The following KCNN2 variants were observed in gnomAD, a reference collection of about 807,000 sequenced individuals.
KCNN2 encodes small conductance calcium-activated potassium channel protein 2.
KCNN2 carries 24 observed loss-of-function variants against 55.5 expected under a neutral mutation model. That is an observed-to-expected ratio of 0.43 (90% CI 0.31 to 0.61). The LOEUF (loss-of-function observed/expected upper bound fraction) is 0.61. Among genes scored for constraint, KCNN2 ranks in the 20% least tolerant of loss-of-function variants. The pLI is 0.08. For synonymous variants in KCNN2, 431 were observed against 336.1 expected (o/e 1.28, Z -3.09); for missense variants, 754 against 853.6 (o/e 0.88, Z 1.45).
At chr5:114,164,896 A>G (rs1428985129) in intron 1 of KCNN2, among the ~76,000 whole-genome samples, 5 of 152,208 alleles carry the variant, frequency 3.3e-5, no homozygotes, top group Non-Finnish European at 7.3e-5. Flanking sequence ...GAGTGCTTAT[A>G]TGCCAAGTAC....
intron 2 of KCNN2, among the ~76,000 whole-genome samples, chr5:114,245,003 A>AAAAGCC: frequency 6.6e-6 from 1 of 152,368 alleles, no homozygotes; most frequent in East Asian, 1.9e-4. Flanking sequence ...TACTCAGCAT[A>AAAAGCC]AAAGCCAAGA....
At chr5:114,139,509 T>A (rs966479084) in intron 1 of KCNN2, among the ~76,000 whole-genome samples, 6 of 146,598 alleles carry the variant, frequency 4.1e-5, no homozygotes, top group African/African-American at 1.5e-4. Context: ...ATAATTCACA[T>A]ATCATTTCTT....
intron 2 of KCNN2, among the ~76,000 whole-genome samples, chr5:114,352,317 CT>C (rs1294311408): frequency 1.3e-5 from 2 of 150,392 alleles, no homozygotes; most frequent in African/African-American, 2.4e-5. Context: ...CTTTCTCTTT[CT>C]TTTTTTTTCC....
At chr5:114,393,965 C>G (rs1758534870) in intron 2 of KCNN2, among the ~76,000 whole-genome samples, 1 of 110,922 alleles carries the variant, frequency 9.0e-6, no homozygotes, top group African/African-American at 4.3e-5. Flanking sequence ...AATGCTGCAA[C>G]AAATAATCAT....
At chr5:114,417,212 AG>A (rs1237892554) in intron 3 of KCNN2, among the ~76,000 whole-genome samples, 1 of 152,240 alleles carries the variant, frequency 6.6e-6, no homozygotes, top group Admixed American at 6.5e-5. Context: ...CAATATAAAA[AG>A]ATCAGCTTTA....
At chr5:114,372,082 C>T (rs1387644627) in intron 2 of KCNN2, among the ~76,000 whole-genome samples, 1 of 152,132 alleles carries the variant, frequency 6.6e-6, no homozygotes, top group Non-Finnish European at 1.5e-5. Flanking sequence ...GTTTATTTGA[C>T]AAAACTTGTT....
Position 114,425,355 on chromosome 5 carries a change from T to G in KCNN2, c.1637+20499T>G, listed in dbSNP as rs138301405. On this transcript the variant is annotated intron_variant, in intron 3 of 7. Transcript: ENST00000673685. ...AATTCCATAGGACCTACACCAACAGTCAGAAATTTCTGGACTGTGCTAATT... is the reference window on the plus strand; with the variant it reads ...AATTCCATAGGACCTACACCAACAGGCAGAAATTTCTGGACTGTGCTAATT... 2.1e-3 allele frequency among the ~76,000 whole-genome samples: 314 copies of G among 152,280 alleles called. 5 individuals carry two copies. Among genetic ancestry groups the G allele is most frequent in the African/African-American group, 7.2e-3 (300 of 41,550 alleles).
At chr5:114,360,734 T>C (rs1757393036), upstream of KCNN2, among the ~76,000 whole-genome samples, 1 of 152,194 alleles carries the variant, frequency 6.6e-6, no homozygotes, top group African/African-American at 2.4e-5. Context: ...TAAATAATGA[T>C]ACCGAACTCC....
intron 1 of KCNN2, among the ~76,000 whole-genome samples, chr5:114,065,026 C>T (rs1338810939): frequency 6.6e-6 from 1 of 152,050 alleles, no homozygotes; most frequent in Non-Finnish European, 1.5e-5. Flanking sequence ...GATGTGATAC[C>T]ATGTATTCCC....
chr5:114,473,158 T>C lies in KCNN2; in HGVS notation c.1884T>C (p.Thr628=). Residue 628 remains threonine, a synonymous_variant, in exon 5 of 8, where the codon ACT becomes ACC. Transcript: ENST00000673685. ...ATTTCATGATGGATACTCAGCTGAC[T>C]AAAAGAGTAAGTTACTATCCATATA... The part of the protein sequence containing the change: ...VHNFMMDTQL[T]KRVKNAAANV... 1 of 1,571,610 alleles carries C rather than the reference T, an allele frequency of 6.4e-7. No individual in the cohort carries two copies. Among genetic ancestry groups the C allele is most frequent in the Non-Finnish European group, 8.7e-7 (1 of 1,143,544 alleles).
intron 2 of KCNN2, among the ~76,000 whole-genome samples, chr5:114,245,033 A>G (rs1754724040): frequency 1.3e-5 from 2 of 152,240 alleles, no homozygotes. Context: ...TGTACAAGGC[A>G]GTGGCTGTTT....
At chr5:114,481,896 AGACTT>A (rs1254433279) in intron 5 of KCNN2, among the ~76,000 whole-genome samples, 1 of 152,228 alleles carries the variant, frequency 6.6e-6, no homozygotes, top group Admixed American at 6.5e-5. Context: ...GGTGTATTAA[AGACTT>A]AAATGTAAAA....
intron 3 of KCNN2, among the ~76,000 whole-genome samples, chr5:114,408,142 C>T (rs2150073069): frequency 6.6e-6 from 1 of 151,320 alleles, no homozygotes; most frequent in South Asian, 2.1e-4. Context: ...ACTGTTGCCA[C>T]AGAATTCTGC....
intron 2 of KCNN2, among the ~76,000 whole-genome samples, chr5:114,300,090 CT>C (rs1450057495): frequency 2.0e-5 from 3 of 152,070 alleles, no homozygotes; most frequent in Non-Finnish European, 4.4e-5. Flanking sequence ...TCAGACGCTC[CT>C]TTCCCTTCTT....
At position 114,205,459 on chromosome 5, in the gene KCNN2, G is replaced by C. The variant is rs543954871; in HGVS notation, c.-270-16021G>C. Reference sequence around the variant, plus strand: ...GCCACTTAGAGTGCACTGGGTTGTGGCCTAATTGCCTTATTATGCAGTATT... The same window carrying C: ...GCCACTTAGAGTGCACTGGGTTGTGCCCTAATTGCCTTATTATGCAGTATT... On this transcript the variant is annotated intron_variant, in intron 1 of 10. Transcript: ENST00000512097. Among the ~76,000 whole-genome samples the C allele has an allele frequency of 3.9e-5, 6 of 152,230 alleles. No homozygotes were observed. In the East Asian group the frequency reaches 1.2e-3, roughly 29 times the overall value.
chr5:114,164,194 C>G (rs1752858731), intron 1 of KCNN2, among the ~76,000 whole-genome samples: 1 of 152,124 alleles, frequency 6.6e-6, no homozygotes, highest in African/African-American at 2.4e-5. Flanking sequence ...ATATTTAGAA[C>G]AAATCCATAG....
chr5:114,365,631 C>T (rs1360310137), intron 2 of KCNN2, among the ~76,000 whole-genome samples: 1 of 152,210 alleles, frequency 6.6e-6, no homozygotes, highest in African/African-American at 2.4e-5. Flanking sequence ...AATGCTTCCT[C>T]TGCGAGCTGC....
At chr5:114,368,126 A>G (rs1027963459) in intron 2 of KCNN2, among the ~76,000 whole-genome samples, 3 of 152,078 alleles carry the variant, frequency 2.0e-5, no homozygotes, top group African/African-American at 7.2e-5. Flanking sequence ...AGTATTCACT[A>G]GCTGTAAAAC....
In KCNN2 at chr5:114,277,439, G is replaced by T. The variant is rs182565498; in HGVS notation, c.-185+55874G>T. ...TAATATCCTGAAGAGCGTTTTCTAA[G>T]TTGGGTCCATTCTCCCCGTCACTTT... On this transcript the variant is annotated intron_variant, in intron 2 of 10. Transcript: ENST00000512097. 5.3e-5 allele frequency among the ~76,000 whole-genome samples: 8 copies of T among 152,220 alleles called. No individual in the cohort carries two copies. The East Asian group carries it at 1.4e-3, about 26-fold the overall frequency.
Sources: gnomAD v4.1 joint callset for allele counts (sites outside exome capture counted in the v4.1 genomes callset) on GRCh38, gnomAD v4.1.1 for gene constraint, MANE v1.5 for transcripts, NCBI Gene and HGNC (gene_info 2026-07-23, HGNC 2026-07-21) for gene names.